Variants in MTHFD2L observed in about 807,000 individuals in gnomAD.
The protein encoded by MTHFD2L is bifunctional methylenetetrahydrofolate dehydrogenase/cyclohydrolase 2, mitochondrial.
Under a neutral mutation model 34.9 loss-of-function variants are expected in MTHFD2L, and 29 were observed. That is an observed-to-expected ratio of 0.83 (90% CI 0.62 to 1.13). The LOEUF (loss-of-function observed/expected upper bound fraction) is 1.13. MTHFD2L is among the 50% of genes most tolerant of loss of function. The pLI, the probability that MTHFD2L is intolerant of heterozygous loss-of-function variation, is 0.00. For synonymous variants in MTHFD2L, 167 were observed against 155.7 expected (o/e 1.07, Z -0.54); for missense variants, 481 against 446.5 (o/e 1.08, Z -0.70).
At chr4:74,174,455 G>A in intron 1 of MTHFD2L, 51 bp from the exon 2 acceptor site, 1 of 1,279,470 alleles carries the variant, frequency 7.8e-7, no homozygotes, top group Non-Finnish European at 1.0e-6. Flanking sequence ...AATTTGTGCA[G>A]TTGAGTGTTT....
intron 3 of MTHFD2L, among the ~76,000 whole-genome samples, chr4:74,184,853 C>A (rs1730845322): frequency 6.6e-6 from 1 of 151,888 alleles, no homozygotes; most frequent in Non-Finnish European, 1.5e-5. Flanking sequence ...AAATGAGTAA[C>A]AAAACCTTCT....
At chr4:74,272,549 T>A (rs967486645) in intron 6 of MTHFD2L, among the ~76,000 whole-genome samples, 1 of 152,166 alleles carries the variant, frequency 6.6e-6, no homozygotes, top group African/African-American at 2.4e-5. Flanking sequence ...TCAGTGTTCT[T>A]TCTGTTTACA....
At chr4:74,267,306 T>C in intron 6 of MTHFD2L, 1 of 754,778 alleles carries the variant, frequency 1.3e-6, no homozygotes, top group Non-Finnish European at 1.5e-6. Flanking sequence ...TTTCTTTTCT[T>C]TTCTTTCTTT....
At chr4:74,179,437 T>G (rs1351590126) in intron 3 of MTHFD2L, among the ~76,000 whole-genome samples, 1 of 152,114 alleles carries the variant, frequency 6.6e-6, no homozygotes, top group Non-Finnish European at 1.5e-5. Flanking sequence ...ATGATAGCAA[T>G]GGGATTAAAG....
intron 6 of MTHFD2L, among the ~76,000 whole-genome samples, chr4:74,234,593 A>G (rs559196558): frequency 1.3e-5 from 2 of 152,180 alleles, no homozygotes; most frequent in African/African-American, 4.8e-5. Context: ...AGCAAACACT[A>G]ATTTTGCCAC....
intron 6 of MTHFD2L, among the ~76,000 whole-genome samples, chr4:74,250,533 G>A (rs942969706): frequency 7.2e-5 from 11 of 152,100 alleles, no homozygotes; most frequent in African/African-American, 2.7e-4. Context: ...CTAGCACATA[G>A]TAGCTATTCA....
intron 7 of MTHFD2L, among the ~76,000 whole-genome samples, chr4:74,289,599 A>G (rs1748629620): frequency 6.6e-6 from 1 of 152,208 alleles, no homozygotes; most frequent in Non-Finnish European, 1.5e-5. Flanking sequence ...AATGACACAT[A>G]GGCCGTATAG....
At chr4:74,296,327 G>T (rs560161991) in intron 7 of MTHFD2L, among the ~76,000 whole-genome samples, 1 of 152,200 alleles carries the variant, frequency 6.6e-6, no homozygotes, top group African/African-American at 2.4e-5. Context: ...AAATTATATG[G>T]CTGACATGGT....
At chr4:74,295,922 A>T (rs1396941581) in intron 7 of MTHFD2L, among the ~76,000 whole-genome samples, 2 of 152,184 alleles carry the variant, frequency 1.3e-5, no homozygotes, top group Non-Finnish European at 2.9e-5. Flanking sequence ...AGTGCTGTTC[A>T]GGCCCAGATC....
In MTHFD2L at chr4:74,191,368, T is replaced by G. The variant is rs565609463; in HGVS notation, c.452-8426T>G. Among the ~76,000 whole-genome samples, 4 of 151,852 alleles carry G rather than the reference T, an allele frequency of 2.6e-5. No homozygotes were observed. In the East Asian group the frequency reaches 7.7e-4, roughly 29 times the overall value. On this transcript the variant is annotated intron_variant, in intron 3 of 7. Coordinates refer to ENST00000325278, the MANE Select transcript of MTHFD2L (RefSeq NM_001144978.3). ...AGCATAAAACTTTACCTGGTCGTTT[T>G]TTTTTTTCATGTCCAGAAAGGAAGA...
chr4:74,209,481 G>T (rs1161278292), intron 5 of MTHFD2L, among the ~76,000 whole-genome samples: 2 of 152,148 alleles, frequency 1.3e-5, no homozygotes, highest in Admixed American at 1.3e-4. Context: ...TGCTGACAAT[G>T]ATGGTTTCTA....
At chr4:74,148,281 T>C (rs1346433633) in intron 1 of MTHFD2L, among the ~76,000 whole-genome samples, 4 of 151,144 alleles carry the variant, frequency 2.6e-5, no homozygotes, top group Admixed American at 6.6e-5. Context: ...ACCTCCAACA[T>C]TGTTCTTTTC....
intron 1 of MTHFD2L, among the ~76,000 whole-genome samples, chr4:74,143,092 T>G (rs964797981): frequency 6.6e-6 from 1 of 152,138 alleles, no homozygotes; most frequent in Admixed American, 6.5e-5. Flanking sequence ...ATGTCCACAC[T>G]GTCTATATAT....
chr4:74,233,002 AT>A (rs1740306933), intron 6 of MTHFD2L, among the ~76,000 whole-genome samples: 1 of 149,876 alleles, frequency 6.7e-6, no homozygotes, highest in Non-Finnish European at 1.5e-5. Context: ...CATAATATTT[AT>A]CGTATTGGTC....
At chr4:74,182,099 AT>A (rs1730288337) in intron 3 of MTHFD2L, among the ~76,000 whole-genome samples, 1 of 152,012 alleles carries the variant, frequency 6.6e-6, no homozygotes, top group South Asian at 2.1e-4. Flanking sequence ...CTAAATTTTA[AT>A]TTTACTTTGT....
At chr4:74,136,372 T>C (rs1489636527) in intron 1 of MTHFD2L, among the ~76,000 whole-genome samples, 5 of 151,788 alleles carry the variant, frequency 3.3e-5, no homozygotes, top group Non-Finnish European at 7.4e-5. Flanking sequence ...GCAATCTCAT[T>C]TAAAACTACA....
At chr4:74,275,968 G>A (rs895005704) in intron 6 of MTHFD2L, among the ~76,000 whole-genome samples, 10 of 151,902 alleles carry the variant, frequency 6.6e-5, no homozygotes, top group African/African-American at 1.5e-4. Flanking sequence ...CCCATTTGTC[G>A]TTTTTAGCTT....
At chr4:74,229,095 T>G (rs910316168) in intron 6 of MTHFD2L, among the ~76,000 whole-genome samples, 8 of 152,222 alleles carry the variant, frequency 5.3e-5, no homozygotes, top group African/African-American at 1.9e-4. Context: ...TTCTGCAGTC[T>G]TCTTGAAGAA....
upstream of MTHFD2L, among the ~76,000 whole-genome samples, chr4:74,120,234 TA>T (rs1721730077): frequency 6.6e-6 from 1 of 152,206 alleles, no homozygotes; most frequent in East Asian, 1.9e-4. Flanking sequence ...ACTAAATGAT[TA>T]GATGAAATAG....
Sources: gnomAD v4.1 joint callset for allele counts (sites outside exome capture counted in the v4.1 genomes callset) on GRCh38, gnomAD v4.1.1 for gene constraint, MANE v1.5 for transcripts, NCBI Gene and HGNC (gene_info 2026-07-23, HGNC 2026-07-21) for gene names.